Variants in NRXN3 observed in about 807,000 individuals in gnomAD.
NRXN3 encodes the protein neurexin 3.
In NRXN3, 32 loss-of-function variants were observed where a neutral mutation model predicts 137.6. The ratio of observed to expected loss-of-function variants is 0.23; its 90% CI spans 0.18 to 0.31. The LOEUF (loss-of-function observed/expected upper bound fraction) is 0.31. Among genes scored for constraint, NRXN3 ranks in the 10% least tolerant of loss-of-function variants. NRXN3 has a pLI of 1.00. For synonymous variants in NRXN3, 798 were observed against 784.5 expected (o/e 1.02, Z -0.29); for missense variants, 1,574 against 2,062.5 (o/e 0.76, Z 4.59).
chr14:79,819,482 C>CTTTTTTTTT (rs58492725), intron 20 of NRXN3, among the ~76,000 whole-genome samples: 2,952 of 71,836 alleles, frequency 0.041, 489 homozygotes, highest in African/African-American at 0.066. Flanking sequence ...ACATTAAAAG[C>CTTTTTTTTT]TTTTTTTTTT....
chr14:79,001,430 G>A (rs1372354145), intron 15 of NRXN3, among the ~76,000 whole-genome samples: 7 of 152,164 alleles, frequency 4.6e-5, no homozygotes, highest in Non-Finnish European at 8.8e-5. Flanking sequence ...GCTGTCCCTC[G>A]AACCACATTT....
chr14:78,990,305 C>T (rs527672820), intron 15 of NRXN3, among the ~76,000 whole-genome samples: 7 of 151,114 alleles, frequency 4.6e-5, no homozygotes, highest in Admixed American at 4.0e-4. Context: ...GATTGGACCA[C>T]GGCTTCTGTG....
At chr14:79,777,342 C>A (rs979643030) in intron 19 of NRXN3, among the ~76,000 whole-genome samples, 4 of 152,014 alleles carry the variant, frequency 2.6e-5, no homozygotes, top group Non-Finnish European at 4.4e-5. Context: ...AATCATAATA[C>A]AAAAGGAACC....
chr14:79,848,312 T>C (rs10147673), intron 20 of NRXN3, among the ~76,000 whole-genome samples: 8,403 of 152,260 alleles, frequency 0.055, 745 homozygotes, highest in African/African-American at 0.19. Context: ...GACTTCTATA[T>C]GCAGATAGTT....
intron 10 of NRXN3, among the ~76,000 whole-genome samples, chr14:78,870,247 T>A (rs1330963774): frequency 1.3e-5 from 2 of 152,216 alleles, no homozygotes; most frequent in Non-Finnish European, 2.9e-5. Context: ...TAAAAAAGTC[T>A]TTATCAATCT....
At chr14:78,477,932 G>A (rs1327245728) in intron 4 of NRXN3, among the ~76,000 whole-genome samples, 3 of 151,918 alleles carry the variant, frequency 2.0e-5, no homozygotes, top group South Asian at 2.1e-4. Context: ...ACAGGCTAAC[G>A]GGAAAGGACA....
intron 16 of NRXN3, among the ~76,000 whole-genome samples, chr14:79,545,203 A>G (rs2097307888): frequency 6.6e-6 from 1 of 152,212 alleles, no homozygotes; most frequent in South Asian, 2.1e-4. Flanking sequence ...ACACAAATTT[A>G]TGAGAGTTCT....
chr14:79,852,332 C>T (rs2099393563), intron 20 of NRXN3, among the ~76,000 whole-genome samples: 1 of 151,050 alleles, frequency 6.6e-6, no homozygotes, highest in Admixed American at 6.6e-5. Flanking sequence ...TGTCCTTCAC[C>T]CCTACTGGAA....
At chr14:78,227,953 G>A (rs186534238) in intron 1 of NRXN3, among the ~76,000 whole-genome samples, 19 of 152,238 alleles carry the variant, frequency 1.2e-4, no homozygotes, top group African/African-American at 4.6e-4. Flanking sequence ...ATGCTTTTCA[G>A]GCCTCTGCTG....
chr14:78,982,527 C>A (rs1353843491), intron 14 of NRXN3, among the ~76,000 whole-genome samples: 2 of 151,922 alleles, frequency 1.3e-5, no homozygotes, highest in East Asian at 3.9e-4. Context: ...AACAAAGGTG[C>A]CACAAGTATG....
intron 4 of NRXN3, among the ~76,000 whole-genome samples, chr14:78,510,059 T>TATATATA (rs1567797721): frequency 6.7e-6 from 1 of 148,364 alleles, no homozygotes; most frequent in African/African-American, 2.5e-5. Flanking sequence ...TATATATATA[T>TATATATA]TTTGGCAATG....
intron 18 of NRXN3, among the ~76,000 whole-genome samples, chr14:79,695,918 A>ATAAAG (rs2098733839): frequency 1.3e-5 from 2 of 152,124 alleles, no homozygotes; most frequent in African/African-American, 4.8e-5. Flanking sequence ...GGAGATTTTT[A>ATAAAG]TAAAGTATAG....
intron 10 of NRXN3, among the ~76,000 whole-genome samples, chr14:78,880,526 AT>A (rs2099126169): frequency 6.6e-6 from 1 of 152,124 alleles, no homozygotes; most frequent in South Asian, 2.1e-4. Flanking sequence ...TGATATCCCA[AT>A]CTCACTTTTC....
chr14:78,983,664 C>G (rs1036682902), intron 14 of NRXN3, among the ~76,000 whole-genome samples: 3 of 151,812 alleles, frequency 2.0e-5, no homozygotes, highest in Admixed American at 6.6e-5. Context: ...TGAGACCATC[C>G]TGGCCAACAT....
chr14:79,004,791 T>C (rs1415886078), intron 15 of NRXN3, among the ~76,000 whole-genome samples: 1 of 152,212 alleles, frequency 6.6e-6, no homozygotes, highest in African/African-American at 2.4e-5. Context: ...TTTAAATTCC[T>C]GGAGTCAGAC....
chr14:78,926,668 ATATAAT>A (rs2099293862), intron 10 of NRXN3, among the ~76,000 whole-genome samples: 1 of 103,790 alleles, frequency 9.6e-6, no homozygotes, highest in Non-Finnish European at 1.9e-5. Flanking sequence ...TTTATTATAT[ATATAAT>A]TATATATTAT....
intron 15 of NRXN3, among the ~76,000 whole-genome samples, chr14:79,348,993 C>T (rs1388606743): frequency 6.6e-6 from 1 of 152,088 alleles, no homozygotes; most frequent in Admixed American, 6.5e-5. Context: ...TCAATAAAGT[C>T]ACTTTTTATG....
At chr14:79,821,981 A>T (rs1257584153) in intron 20 of NRXN3, among the ~76,000 whole-genome samples, 2 of 152,138 alleles carry the variant, frequency 1.3e-5, no homozygotes, top group Non-Finnish European at 2.9e-5. Flanking sequence ...GAGAATTCAG[A>T]AGTAGTATGA....
chr14:78,982,301 C>A (rs1170129598), intron 14 of NRXN3, among the ~76,000 whole-genome samples: 1 of 151,870 alleles, frequency 6.6e-6, no homozygotes, highest in Non-Finnish European at 1.5e-5. Flanking sequence ...TTGAATAGAA[C>A]CCTCACGCTA....
Sources: allele counts gnomAD v4.1 joint callset (sites outside exome capture counted in the v4.1 genomes callset), GRCh38; gene constraint gnomAD v4.1.1; transcripts MANE v1.5; gene names NCBI Gene and HGNC (gene_info 2026-07-23, HGNC 2026-07-21).